DPY19L3: variants seen among roughly 807,000 people sequenced by gnomAD.
The protein encoded by DPY19L3 is protein C-mannosyl-transferase DPY19L3.
DPY19L3 carries 51 observed loss-of-function variants against 92.3 expected under a neutral mutation model. The observed-to-expected ratio is 0.55, with a 90% confidence interval of 0.44 to 0.70. The LOEUF is 0.70. Ranked by LOEUF, DPY19L3 falls within the 30% of genes least tolerant of loss-of-function variation. The probability of loss-of-function intolerance (pLI) is 0.00; values close to 1 mark genes in which losing one functional copy is unlikely to be tolerated. For missense variants in DPY19L3, 706 were observed against 855.9 expected (o/e 0.82, Z 2.18); for synonymous variants, 309 against 315.2 (o/e 0.98, Z 0.21).
chr19:32,463,230 G>A (rs926170948), intron 12 of DPY19L3, 136 bp from the exon 13 acceptor site: 44 of 970,996 alleles, frequency 4.5e-5, no homozygotes, highest in South Asian at 2.8e-4. Context: ...TGATCAATGC[G>A]AATTCATTTC....
intron 3 of DPY19L3, among the ~76,000 whole-genome samples, chr19:32,429,456 A>T (rs1203080865): frequency 6.6e-6 from 1 of 152,222 alleles, no homozygotes; most frequent in East Asian, 1.9e-4. Flanking sequence ...AAAGTATAGC[A>T]TTTGGTTCTG....
chr19:32,481,156 A>G lies in DPY19L3; in HGVS notation c.1989+599A>G, dbSNP rs186051075. 4.3e-5 allele frequency: 8 copies of G among 183,952 alleles called. No homozygotes were observed. The East Asian group carries it at 5.3e-4, about 12-fold the overall frequency. The allele number at this position is 183,952 out of a possible 1,614,324, so 11.4% of individuals were successfully genotyped here. A position where few individuals can be genotyped will look rare whatever the true frequency, so the allele number is the denominator to read the frequency against. On this transcript the variant is annotated intron_variant, in intron 18 of 18. Transcript: ENST00000392250. ...TATGCCAGGTCTCAGTAGAGCAAAC[A>G]GATTTTCACCCTTTAGAGGTGTGAT... is the stretch of plus-strand genomic sequence containing the variant.
At chr19:32,439,972 A>G (rs889598372) in intron 8 of DPY19L3, 62 bp downstream of exon 8, 9 of 1,584,262 alleles carry the variant, frequency 5.7e-6, no homozygotes, top group Non-Finnish European at 7.7e-6. Flanking sequence ...ATATCATAGA[A>G]TGAGATGAAA....
intron 3 of DPY19L3, among the ~76,000 whole-genome samples, chr19:32,422,898 T>C (rs1157547162): frequency 1.3e-5 from 2 of 152,196 alleles, no homozygotes; most frequent in Non-Finnish European, 2.9e-5. Context: ...TTCTCCACAG[T>C]AATGTCTAAT....
rs145753863 is a variant in DPY19L3 at position 32,456,910 on chromosome 19, C to T, written c.1090-1190C>T. Among the ~76,000 whole-genome samples, 119 of 152,248 alleles carry T rather than the reference C, an allele frequency of 7.8e-4. 2 individuals are homozygous for T. In the East Asian group the frequency reaches 0.02, roughly 25 times the overall value. ...GTGTGGTGGCTTATGCCTGTAATCGCAGCATTTTGGGAGGCTGAGGTGGGA... is the reference window on the plus strand; with the variant it reads ...GTGTGGTGGCTTATGCCTGTAATCGTAGCATTTTGGGAGGCTGAGGTGGGA... On this transcript the variant is annotated intron_variant, in intron 10 of 18. Coordinates refer to ENST00000392250, the MANE Select transcript of DPY19L3 (RefSeq NM_001172774.2).
At position 32,455,897 on chromosome 19, in the gene DPY19L3, A is replaced by G. The variant is rs115080846; in HGVS notation, c.1089+857A>G. ...TTGATATCCCATTTGTTTTTATGCT[A>G]GAGCAAAACTACATTGGTATCTTCA... is the stretch of plus-strand genomic sequence containing the variant. On this transcript the variant is annotated intron_variant, in intron 10 of 18. Coordinates refer to ENST00000392250, the MANE Select transcript of DPY19L3 (RefSeq NM_001172774.2). Among the ~76,000 whole-genome samples, 852 of 152,228 alleles carry G rather than the reference A, an allele frequency of 5.6e-3. 12 individuals are homozygous for G. The highest frequency in any genetic ancestry group is 0.019 in the African/African-American group (783 of 41,544).
Position 32,482,345 on chromosome 19 carries a change from C to A in DPY19L3, c.*105C>A. 1 of 1,307,862 alleles carries A rather than the reference C, an allele frequency of 7.6e-7. No individual in the cohort carries two copies. The highest frequency in any genetic ancestry group is 1.1e-6 in the Non-Finnish European group (1 of 946,474). The allele number at this position is 1,307,862 out of a possible 1,614,324, so 81.0% of individuals were successfully genotyped here. A position where few individuals can be genotyped will look rare whatever the true frequency, so the allele number is the denominator to read the frequency against. On this transcript the variant is annotated 3_prime_UTR_variant, in exon 19 of 19. Transcript: ENST00000392250. ...TAAGTAGGTAGCCCAAACCTTCAAG[C>A]TGTGATATGAGTAAGTTCTACAGAT...
At chr19:32,475,123 C>T (rs541961463) in intron 16 of DPY19L3, among the ~76,000 whole-genome samples, 4 of 152,226 alleles carry the variant, frequency 2.6e-5, no homozygotes, top group Non-Finnish European at 5.9e-5. Context: ...GGCCTGTCAT[C>T]TCTGCTGTAA....
chr19:32,408,162 C>T (rs1187934259), intron 1 of DPY19L3, 55 bp from the exon 2 acceptor site: 14 of 847,128 alleles, frequency 1.7e-5, no homozygotes, highest in East Asian at 9.8e-5. Flanking sequence ...TGGATGAGCA[C>T]GGGGTGTGTT....
At chr19:32,446,835 G>C (rs892444358) in intron 8 of DPY19L3, among the ~76,000 whole-genome samples, 2 of 152,110 alleles carry the variant, frequency 1.3e-5, no homozygotes, top group Non-Finnish European at 2.9e-5. Flanking sequence ...CAGAGATATA[G>C]AACCCAACAA....
At chr19:32,435,497 T>C (rs1404171264) in intron 4 of DPY19L3, among the ~76,000 whole-genome samples, 1 of 152,174 alleles carries the variant, frequency 6.6e-6, no homozygotes, top group African/African-American at 2.4e-5. Context: ...GCTTTCTAGG[T>C]CAAAGGGTAA....
At chr19:32,441,602 A>G (rs1396031483) in intron 8 of DPY19L3, among the ~76,000 whole-genome samples, 5 of 151,106 alleles carry the variant, frequency 3.3e-5, no homozygotes, top group Non-Finnish European at 5.9e-5. Flanking sequence ...AGTTTAAGCA[A>G]TTCTCCTGCC....
chr19:32,447,199 A>G (rs1442850080), intron 8 of DPY19L3, among the ~76,000 whole-genome samples: 1 of 152,218 alleles, frequency 6.6e-6, no homozygotes, highest in African/African-American at 2.4e-5. Context: ...ACTCAATGAA[A>G]ATGAAAGTGA....
chr19:32,465,294 A>G (rs1970167368), intron 15 of DPY19L3, among the ~76,000 whole-genome samples: 1 of 152,204 alleles, frequency 6.6e-6, no homozygotes, highest in South Asian at 2.1e-4. Flanking sequence ...TCATATTCTC[A>G]TTTGACTAGT....
At chr19:32,463,082 G>GT (rs5827799) in intron 12 of DPY19L3, among the ~76,000 whole-genome samples, 83,087 of 148,580 alleles carry the variant, frequency 0.56, 23,559 homozygotes, top group East Asian at 0.63. Context: ...AAAAATTTGA[G>GT]TTTTTTTTTT....
intron 18 of DPY19L3, chr19:32,481,822 G>T (rs1970681529): frequency 2.3e-6 from 1 of 437,540 alleles, no homozygotes; most frequent in African/African-American, 2.0e-5. Flanking sequence ...AGAGCAAGCA[G>T]ACCTGAGTTC....
At position 32,477,515 on chromosome 19, in the gene DPY19L3, C is replaced by G; in HGVS notation, c.1698-7C>G. On this transcript the variant is annotated splice_polypyrimidine_tract_variant and splice_region_variant and intron_variant, in intron 16 of 18. Coordinates refer to ENST00000392250, the MANE Select transcript of DPY19L3 (RefSeq NM_001172774.2). The stretch of plus-strand genomic sequence containing the variant: ...GTGGGGTTAATTCAGACTCTAAAAT[C>G]TTTCAGCTCTAACACTCCAAGAAAG... 6.2e-7 allele frequency: 1 copy of G among 1,614,052 alleles called. No homozygotes were observed.
intron 2 of DPY19L3, among the ~76,000 whole-genome samples, chr19:32,409,904 C>T (rs1412444204): frequency 6.6e-6 from 1 of 152,164 alleles, no homozygotes; most frequent in Admixed American, 6.5e-5. Context: ...CACATTTCAT[C>T]ATGAGATTTG....
At position 32,464,776 on chromosome 19, in the gene DPY19L3, T is replaced by C. The variant is rs1409874110; in HGVS notation, c.1606T>C (p.Cys536Arg). Reference protein sequence around the residue: ...SVPILILLYLCYKFWPGMMDE... With the variant: ...SVPILILLYLRYKFWPGMMDE... Reference sequence around the variant, plus strand: ...ACCGATATTAATACTGCTGTATCTATGCTATAAGGTAAGACTGATTTTCCT... The same window carrying C: ...ACCGATATTAATACTGCTGTATCTACGCTATAAGGTAAGACTGATTTTCCT... Residue 536 changes from cysteine to arginine, a missense_variant, in exon 15 of 19, where the codon TGC becomes CGC. Cys to Arg is a radical substitution (Grantham distance 180). Coordinates refer to ENST00000392250, the MANE Select transcript of DPY19L3 (RefSeq NM_001172774.2). 2.0e-6 allele frequency: 3 copies of C among 1,527,726 alleles called. No homozygotes were observed. The highest frequency in any genetic ancestry group is 2.8e-5 in the African/African-American group (2 of 71,514). The allele number at this position is 1,527,726 out of a possible 1,614,324, so 94.6% of individuals were successfully genotyped here.
Sources: allele counts gnomAD v4.1 joint callset (sites outside exome capture counted in the v4.1 genomes callset), GRCh38; gene constraint gnomAD v4.1.1; transcripts MANE v1.5; gene names NCBI Gene and HGNC (gene_info 2026-07-23, HGNC 2026-07-21).